Variants in ARAP3 observed in about 807,000 individuals in gnomAD.
ARAP3 encodes the protein ArfGAP with RhoGAP domain, ankyrin repeat and PH domain 3.
A neutral mutation model predicts 169.2 loss-of-function variants in ARAP3; 82 were observed. The observed-to-expected ratio is 0.48, with a 90% CI of 0.41 to 0.58. The LOEUF is 0.58. Among genes scored for constraint, ARAP3 ranks in the 20% least tolerant of loss-of-function variants. The pLI, the probability that ARAP3 is intolerant of heterozygous loss-of-function variation, is 0.00. For synonymous variants in ARAP3, 791 were observed against 800.3 expected (o/e 0.99, Z 0.20); for missense variants, 1,764 against 2,018.0 (o/e 0.87, Z 2.41).
intron 19 of ARAP3, 137 bp from the exon 20 acceptor site, chr5:141,662,392 T>A (rs1382534971): frequency 3.8e-6 from 3 of 796,916 alleles, no homozygotes; most frequent in African/African-American, 1.7e-5. Context: ...TATGCCTCCA[T>A]GTTCTTGATT....
intron 6 of ARAP3, 54 bp downstream of exon 6, chr5:141,673,345 CCT>C (rs2099911702): frequency 3.7e-6 from 6 of 1,608,230 alleles, no homozygotes; most frequent in African/African-American, 1.3e-5. Context: ...ATTCTGAGCC[CCT>C]CTCAGCCCTC....
chr5:141,657,207 G>T (rs1199707893), intron 25 of ARAP3, among the ~76,000 whole-genome samples: 1 of 152,234 alleles, frequency 6.6e-6, no homozygotes, highest in East Asian at 1.9e-4. Flanking sequence ...GAAGGATTAG[G>T]AAGAGCAAGC....
chr5:141,661,497 G>A (rs376847303), intron 21 of ARAP3, among the ~76,000 whole-genome samples, 187 bp downstream of exon 21: 69 of 152,282 alleles, frequency 4.5e-4, no homozygotes, highest in African/African-American at 1.6e-3. Context: ...CTAGAATGAC[G>A]GCACCAGATT....
rs759284173 is a variant in ARAP3 at position 141,679,977 on chromosome 5, C to T, written c.510G>A (p.Gln170=). The change falls in exon 2 of 33, where the codon CAG becomes CAA. Residue 170 remains glutamine (Q), a synonymous_variant. Transcript: ENST00000239440. The part of the protein sequence containing the change: ...YFGLDSRGRA[Q]AAQDKAPDSS... ...ACTCCACTCACTTGTCCTGAGCTGC[C>T]TGTGCCCTGCCTCTTGAGTCCAGGC... The T allele has an allele frequency of 1.9e-6, 3 of 1,614,216 alleles. No individual in the cohort carries two copies. In the South Asian group the frequency reaches 3.3e-5, roughly 18 times the overall value.
At chr5:141,680,978 C>G (rs930331320) in intron 1 of ARAP3, 6 of 157,168 alleles carry the variant, frequency 3.8e-5, no homozygotes, top group African/African-American at 7.2e-5. Context: ...GAAGGAGGTG[C>G]AGACGCCCCC....
In ARAP3 at chr5:141,672,459, C is replaced by T. The variant is rs1200904367; in HGVS notation, c.1385+93G>A. The T allele has an allele frequency of 6.7e-7, 1 of 1,502,930 alleles. No homozygotes were observed. Among genetic ancestry groups the T allele is most frequent in the African/African-American group, 1.4e-5 (1 of 72,048 alleles). 93.1% of individuals were successfully genotyped at this position (1,502,930 alleles called of 1,614,324 possible). A position where few individuals can be genotyped will look rare whatever the true frequency, so the allele number is the denominator to read the frequency against. The stretch of plus-strand genomic sequence containing the variant: ...CTGGACTACCATCTGTGCATACCCT[C>T]TGACGTCCTACTAAAGAGGCCTCTA... On this transcript the variant is annotated intron_variant, in intron 9 of 32. Coordinates refer to ENST00000239440, the MANE Select transcript of ARAP3 (RefSeq NM_022481.6). This position sits in a 1 kb window ranked among gnomAD's most constrained non-coding sequence, Gnocchi z 4.9.
intron 32 of ARAP3, among the ~76,000 whole-genome samples, chr5:141,654,927 C>T (rs1023349967): frequency 3.3e-5 from 5 of 151,862 alleles, no homozygotes; most frequent in Admixed American, 1.3e-4. Flanking sequence ...TTAGTAGAGA[C>T]GGGATTTCAC....
rs147903554 is a variant in ARAP3, at chr5:141,681,141, G to A, written c.-17-638C>T. Among the ~76,000 whole-genome samples the A allele has an allele frequency of 4.0e-3, 606 of 152,284 alleles. 5 individuals carry two copies. Among genetic ancestry groups the A allele is most frequent in the Admixed American group, 0.011 (173 of 15,302 alleles). ...CTCCACATCCTGCCTGCTTTGGTCA[G>A]GCTGCCGGGAGAGCCCTAACCAGTC... is the stretch of plus-strand genomic sequence containing the variant. On this transcript the variant is annotated intron_variant, in intron 1 of 32. Transcript: ENST00000239440.
intron 19 of ARAP3, among the ~76,000 whole-genome samples, chr5:141,663,966 G>C (rs2099910316): frequency 6.6e-6 from 1 of 152,196 alleles, no homozygotes. Flanking sequence ...ATTGTATTAG[G>C]TATTATAAAT....
intron 25 of ARAP3, among the ~76,000 whole-genome samples, chr5:141,657,095 G>T (rs1435543024): frequency 6.6e-6 from 1 of 152,178 alleles, no homozygotes; most frequent in Non-Finnish European, 1.5e-5. Flanking sequence ...TAATTGCTTT[G>T]CAAGAAACAA....
In ARAP3 at chr5:141,673,335, A is replaced by G. The variant is rs374649756; in HGVS notation, c.972+66T>C. 7.1e-5 allele frequency: 114 copies of G among 1,601,640 alleles called. No individual in the cohort carries two copies. The African/African-American group carries it at 1.2e-3, about 16-fold the overall frequency. On this transcript the variant is annotated intron_variant, in intron 6 of 32. Transcript: ENST00000239440. ...CACACAATGGACTTCCCTCCTTCCA[A>G]TTCTGAGCCCCTCTCAGCCCTCCCT...
chr5:141,672,238 G>A lies in ARAP3; in HGVS notation c.1449C>T (p.Thr483=), dbSNP rs755544930. 1.3e-5 allele frequency: 21 copies of A among 1,614,192 alleles called. No individual in the cohort carries two copies. The highest frequency in any genetic ancestry group is 5.5e-5 in the South Asian group (5 of 91,080). Residue 483 remains threonine (T), a synonymous_variant, in exon 10 of 33, where the codon ACC becomes ACT. Coordinates refer to ENST00000239440, the MANE Select transcript of ARAP3 (RefSeq NM_022481.6). This position sits in a 1 kb window ranked among gnomAD's most constrained non-coding sequence, Gnocchi z 4.9. ...SWAAALQEAV[T]ETLSDYEVAE... is the part of the protein sequence containing the mutation. ...CCACCTCGTAGTCAGACAGGGTCTC[G>A]GTTACTGCTTCCTGCAGAGCGGCCG... is the stretch of plus-strand genomic sequence containing the variant.
At chr5:141,655,182 T>TACACAC (rs3075597) in intron 32 of ARAP3, among the ~76,000 whole-genome samples, 180 bp downstream of exon 32, 13,554 of 95,500 alleles carry the variant, frequency 0.14, 1,876 homozygotes, top group Non-Finnish European at 0.17. Context: ...CCTGATGGCC[T>TACACAC]ACACACACAC....
chr5:141,670,924 G>A (rs150418502), intron 13 of ARAP3, among the ~76,000 whole-genome samples: 79 of 152,332 alleles, frequency 5.2e-4, no homozygotes, highest in African/African-American at 1.8e-3. Flanking sequence ...ATCCTGTAAG[G>A]GTCTCAGCCC....
Position 141,666,546 on chromosome 5 carries a change from G to A in ARAP3, c.2450C>T (p.Pro817Leu). 6.3e-7 allele frequency: 1 copy of A among 1,590,130 alleles called. No individual in the cohort carries two copies. Among genetic ancestry groups the A allele is most frequent in the Non-Finnish European group, 8.6e-7 (1 of 1,169,136 alleles). Residue 817 changes from proline to leucine, a missense_variant, in exon 17 of 33, where the codon CCT becomes CTT. Transcript: ENST00000239440. ...LRSPSHTAPA[P>L]GLWLSGFGLL... ...GCCAAACCCTGACAGCCAGAGACCA[G>A]GGGCCGGGGCTGTATGGGAGGGGGA...
In ARAP3 at chr5:141,672,509, G is replaced by A. The variant is rs1386003666; in HGVS notation, c.1385+43C>T. On this transcript the variant is annotated intron_variant, in intron 9 of 32. Coordinates refer to ENST00000239440, the MANE Select transcript of ARAP3 (RefSeq NM_022481.6). This position sits in a 1 kb window ranked among gnomAD's most constrained non-coding sequence, Gnocchi z 4.9. ...AGTCCTCTGCACCCTTGTGCCTCCC[G>A]CAAAAGTCCCCCAGCCTTGCCTCCC... 37 of 1,604,738 alleles carry A rather than the reference G, an allele frequency of 2.3e-5. No individual in the cohort carries two copies. Among genetic ancestry groups the A allele is most frequent in the South Asian group, 4.5e-5 (4 of 89,868 alleles).
At chr5:141,656,443 G>A (rs2099909285) in intron 27 of ARAP3, 61 bp downstream of exon 27, 3 of 1,586,166 alleles carry the variant, frequency 1.9e-6, no homozygotes, top group African/African-American at 2.7e-5. Flanking sequence ...GAGGGTGGGT[G>A]CAGTCATGGC....
intron 1 of ARAP3, among the ~76,000 whole-genome samples, 177 bp downstream of exon 1, chr5:141,681,996 A>AG (rs1363779920): frequency 2.9e-5 from 1 of 34,280 alleles, no homozygotes; most frequent in Non-Finnish European, 6.8e-5. Flanking sequence ...GGCTGCGACG[A>AG]GGGAGGGGGC....
chr5:141,663,791 C>T (rs1055738034), intron 19 of ARAP3, among the ~76,000 whole-genome samples: 1 of 152,048 alleles, frequency 6.6e-6, no homozygotes, highest in East Asian at 1.9e-4. Context: ...TTTGTGGAGG[C>T]GCTGTTTTTT....
Sources: gnomAD v4.1 joint callset for allele counts (sites outside exome capture counted in the v4.1 genomes callset) on GRCh38, gnomAD v4.1.1 for gene constraint, Gnocchi (gnomAD v3.1) non-coding constraint, MANE v1.5 for transcripts, NCBI Gene and HGNC (gene_info 2026-07-23, HGNC 2026-07-21) for gene names.